RYR3: variants seen among roughly 807,000 people sequenced by gnomAD.
RYR3 encodes the protein brain ryanodine receptor-calcium release channel.
A neutral mutation model predicts 584.3 loss-of-function variants in RYR3; 207 were observed. The observed-to-expected ratio is 0.35, with a 90% confidence interval of 0.32 to 0.40. The LOEUF (loss-of-function observed/expected upper bound fraction) is 0.40. Ranked by LOEUF, RYR3 falls within the 10% of genes least tolerant of loss-of-function variation. The pLI is 1.00. For missense variants in RYR3, 5,616 were observed against 6,089.2 expected (o/e 0.92, Z 2.59); for synonymous variants, 2,416 against 2,248.5 (o/e 1.07, Z -2.11).
At chr15:33,798,419 T>C (rs2075745490) in intron 67 of RYR3, among the ~76,000 whole-genome samples, 1 of 152,208 alleles carries the variant, frequency 6.6e-6, no homozygotes, top group Non-Finnish European at 1.5e-5. Flanking sequence ...ATTCTCAACA[T>C]TGCCTTCCAT....
chr15:33,778,444 G>A (rs2074164038), intron 64 of RYR3, among the ~76,000 whole-genome samples: 1 of 152,196 alleles, frequency 6.6e-6, no homozygotes, highest in South Asian at 2.1e-4. Context: ...GATATGTAGA[G>A]GCACTCACTA....
In RYR3 at chr15:33,785,777, C is replaced by A; in HGVS notation, c.9384C>A (p.Pro3128=). The change falls in exon 66 of 104, where the codon CCC becomes CCA. Residue 3128 remains proline, a synonymous_variant. Transcript: ENST00000634891. ...AESGARYTEM[P]HVIEVILPML... ...CAGGGGCCCGGTACACAGAGATGCC[C>A]CATGTCATCGAGGTGATCTTACCCA... The A allele has an allele frequency of 6.2e-7, 1 of 1,613,934 alleles. No homozygotes were observed. Among genetic ancestry groups the A allele is most frequent in the South Asian group, 1.1e-5 (1 of 91,078 alleles).
At chr15:33,493,291 T>A (rs1259787089) in intron 2 of RYR3, among the ~76,000 whole-genome samples, 1 of 152,178 alleles carries the variant, frequency 6.6e-6, no homozygotes, top group Admixed American at 6.5e-5. Flanking sequence ...CCGTTTGACA[T>A]TCTGCCTTTT....
At chr15:33,643,798 A>G (rs2152670385) in intron 27 of RYR3, among the ~76,000 whole-genome samples, 1 of 152,308 alleles carries the variant, frequency 6.6e-6, no homozygotes, top group East Asian at 1.9e-4. Flanking sequence ...TATGAAATAC[A>G]TAGAGATAGT....
At chr15:33,727,597 G>A (rs2068574118) in intron 46 of RYR3, among the ~76,000 whole-genome samples, 1 of 152,194 alleles carries the variant, frequency 6.6e-6, no homozygotes, top group African/African-American at 2.4e-5. Flanking sequence ...GAGAGAGGAA[G>A]TCAATTTCAG....
intron 1 of RYR3, among the ~76,000 whole-genome samples, chr15:33,372,388 G>A (rs7171698): frequency 0.58 from 76,087 of 131,286 alleles, 22,684 homozygotes; most frequent in African/African-American, 0.7. Context: ...TTTTTTGGAG[G>A]TGGAGTCTCA....
intron 3 of RYR3, among the ~76,000 whole-genome samples, chr15:33,527,423 T>C (rs915180861): frequency 6.6e-6 from 1 of 151,830 alleles, no homozygotes; most frequent in Non-Finnish European, 1.5e-5. Context: ...CTGCCAAAAA[T>C]ACAAAAATTA....
At position 33,722,834 on chromosome 15, in the gene RYR3, G is replaced by A. The variant is rs766940977; in HGVS notation, c.6739G>A (p.Ala2247Thr). ...CGGGCTCTTGGCAGCCATGCAGGGTGCCATTAAGATCTCTGAGAACCCAGC... is the reference window on the plus strand; with the variant it reads ...CGGGCTCTTGGCAGCCATGCAGGGTACCATTAAGATCTCTGAGAACCCAGC... ...GNGLLAAMQG[A>T]IKISENPALD... The change falls in exon 44 of 104, where the codon GCC (alanine) becomes ACC (threonine). Residue 2247 changes from alanine (A) to threonine (T), a missense_variant. Physicochemically the swap from Ala to Thr is moderately conservative, Grantham distance 58 (BLOSUM62 0). This residue lies in a region of RYR3 where 1,280 missense variants were observed against 1,426.2 expected (regional missense o/e 0.90). Transcript: ENST00000634891. The A allele has an allele frequency of 1.9e-6, 3 of 1,611,598 alleles. No individual in the cohort carries two copies. The highest frequency in any genetic ancestry group is 3.4e-5 in the Admixed American group (2 of 59,296).
chr15:33,597,618 CA>C (rs3085330), intron 16 of RYR3, among the ~76,000 whole-genome samples: 100 of 128,204 alleles, frequency 7.8e-4, no homozygotes, highest in Non-Finnish European at 9.4e-4. Flanking sequence ...GACTCTGTCT[CA>C]AAAAAAAAAA....
Position 33,646,242 on chromosome 15 carries a change from T to C in RYR3, c.3766-109T>C, listed in dbSNP as rs2062094840. The C allele has an allele frequency of 6.6e-6, 6 of 910,404 alleles. No individual in the cohort carries two copies. In the East Asian group the frequency reaches 9.9e-5, roughly 15 times the overall value. 56.4% of individuals were successfully genotyped at this position (910,404 alleles called of 1,614,324 possible). A position where few individuals can be genotyped will look rare whatever the true frequency, so the allele number is the denominator to read the frequency against. On this transcript the variant is annotated intron_variant, in intron 28 of 103. Coordinates refer to ENST00000634891, the MANE Select transcript of RYR3 (RefSeq NM_001036.6). ...TGGTTATCACTGGACACAACTTACT[T>C]CTGTAGTTCACAGAATGCCTTGCCA...
intron 16 of RYR3, among the ~76,000 whole-genome samples, chr15:33,591,111 C>T (rs1015884777): frequency 3.3e-5 from 5 of 152,114 alleles, no homozygotes; most frequent in Non-Finnish European, 5.9e-5. Context: ...CTTGTGGATC[C>T]TTCAATAGCT....
intron 1 of RYR3, among the ~76,000 whole-genome samples, chr15:33,455,635 C>G (rs1221111909): frequency 6.6e-6 from 1 of 152,146 alleles, no homozygotes; most frequent in East Asian, 1.9e-4. Context: ...TCCTGGCCAT[C>G]TAAAGTGAAA....
chr15:33,399,711 C>T (rs918408000), intron 1 of RYR3, among the ~76,000 whole-genome samples: 1 of 152,124 alleles, frequency 6.6e-6, no homozygotes, highest in Non-Finnish European at 1.5e-5. Context: ...ACCTCCTCAA[C>T]ACCCCCAGGC....
chr15:33,317,306 G>T (rs1968322868), intron 1 of RYR3, among the ~76,000 whole-genome samples: 1 of 152,216 alleles, frequency 6.6e-6, no homozygotes, highest in South Asian at 2.1e-4. Flanking sequence ...TGCTCAGGGT[G>T]TTGGGGCCTT....
intron 1 of RYR3, among the ~76,000 whole-genome samples, chr15:33,432,668 T>TTGTGTGTG (rs58292418): frequency 0.037 from 4,868 of 132,092 alleles, 136 homozygotes; most frequent in African/African-American, 0.076. Context: ...GCCTAGCTAA[T>TTGTGTGTG]TGTGTGTGTG....
intron 5 of RYR3, among the ~76,000 whole-genome samples, chr15:33,537,026 A>G (rs2055389438): frequency 6.6e-6 from 1 of 152,154 alleles, no homozygotes; most frequent in Non-Finnish European, 1.5e-5. Flanking sequence ...TTATTTAACT[A>G]TCAAATCAAT....
intron 1 of RYR3, among the ~76,000 whole-genome samples, chr15:33,371,161 T>A (rs2040303877): frequency 6.6e-6 from 1 of 152,220 alleles, no homozygotes; most frequent in South Asian, 2.1e-4. Context: ...CATATTATCC[T>A]GTTTTATGAA....
chr15:33,764,577 T>TAA (rs57528153), intron 60 of RYR3, among the ~76,000 whole-genome samples: 18 of 139,672 alleles, frequency 1.3e-4, no homozygotes, highest in African/African-American at 4.0e-4. Flanking sequence ...AAACCATAAT[T>TAA]AAAAAAAAAA....
At chr15:33,614,133 A>C (rs1159130187) in intron 19 of RYR3, among the ~76,000 whole-genome samples, 2 of 152,202 alleles carry the variant, frequency 1.3e-5, no homozygotes. Flanking sequence ...TTTTGTAATA[A>C]AATCTAACCT....
Sources: allele counts gnomAD v4.1 joint callset (sites outside exome capture counted in the v4.1 genomes callset), GRCh38; gene constraint gnomAD v4.1.1; regional missense constraint gnomAD v4.1.1; transcripts MANE v1.5; gene names NCBI Gene and HGNC (gene_info 2026-07-23, HGNC 2026-07-21).